The following KIFAP3 variants were observed in gnomAD, a reference collection of about 807,000 sequenced individuals.
The protein encoded by KIFAP3 is kinesin associated protein 3.
In KIFAP3, 68 loss-of-function variants were observed where a neutral mutation model predicts 106.5. The ratio of observed to expected loss-of-function variants is 0.64; its 90% CI spans 0.53 to 0.78. The LOEUF (loss-of-function observed/expected upper bound fraction) is 0.78, where lower values mean the gene tolerates loss of function less well. KIFAP3 is among the 30% of genes least tolerant of loss of function. The pLI is 0.00. For synonymous variants in KIFAP3, 320 were observed against 311.5 expected, an observed-to-expected ratio of 1.03 and a Z score of -0.29; for missense variants, 780 against 941.8, an observed-to-expected ratio of 0.83 and a Z score of 2.25.
chr1:170,070,650 C>T (rs1671662247), intron 1 of KIFAP3, among the ~76,000 whole-genome samples: 1 of 151,898 alleles, frequency 6.6e-6, no homozygotes, highest in African/African-American at 2.4e-5. Context: ...TGCCATATAC[C>T]ATAGACAATA....
At chr1:169,965,382 T>TA (rs74813170) in intron 17 of KIFAP3, among the ~76,000 whole-genome samples, 142,414 of 152,004 alleles carry the variant, frequency 0.94, 66,797 homozygotes, top group East Asian at 0.99. Flanking sequence ...ATTCCTGGTG[T>TA]AAAACAGGGG....
intron 10 of KIFAP3, among the ~76,000 whole-genome samples, chr1:170,005,916 GAAGAA>G (rs1270927105): frequency 9.2e-5 from 14 of 151,594 alleles, no homozygotes; most frequent in African/African-American, 3.2e-4. Context: ...TCAAAACTGT[GAAGAA>G]AACTGTTTTC....
intron 17 of KIFAP3, among the ~76,000 whole-genome samples, chr1:169,966,053 T>C (rs1665597710): frequency 6.6e-6 from 1 of 151,906 alleles, no homozygotes; most frequent in Non-Finnish European, 1.5e-5. Context: ...CTAAAAAGTA[T>C]GGTAGCAATG....
intron 7 of KIFAP3, 131 bp from the exon 8 acceptor site, chr1:170,032,115 C>T: frequency 1.7e-6 from 1 of 591,372 alleles, no homozygotes. Context: ...AAAAGTTTAA[C>T]TAAAATGTTA....
intron 10 of KIFAP3, among the ~76,000 whole-genome samples, chr1:170,008,022 G>A (rs1223929699): frequency 2.0e-5 from 3 of 152,124 alleles, no homozygotes; most frequent in Non-Finnish European, 4.4e-5. Context: ...ATGGGGAAAG[G>A]ATTCCCTATT....
intron 10 of KIFAP3, among the ~76,000 whole-genome samples, chr1:170,001,134 TTATTA>T (rs1352080052): frequency 1.3e-5 from 2 of 152,120 alleles, no homozygotes; most frequent in Non-Finnish European, 2.9e-5. Context: ...TTCAATTATT[TTATTA>T]TGTCTTCTGT....
chr1:170,055,217 C>T (rs1344885898), intron 2 of KIFAP3, 88 bp downstream of exon 2: 1 of 1,164,086 alleles, frequency 8.6e-7, no homozygotes, highest in Admixed American at 2.7e-5. Flanking sequence ...CATAATTAAT[C>T]ACCTATGCTG....
intron 19 of KIFAP3, among the ~76,000 whole-genome samples, chr1:169,945,371 G>A (rs926884992): frequency 2.0e-5 from 3 of 152,048 alleles, no homozygotes; most frequent in Non-Finnish European, 4.4e-5. Context: ...GTGGCTGGGC[G>A]GCTGCAGCTG....
intron 2 of KIFAP3, among the ~76,000 whole-genome samples, chr1:170,048,797 C>A (rs539044437): frequency 6.6e-6 from 1 of 152,096 alleles, no homozygotes; most frequent in African/African-American, 2.4e-5. Context: ...CTACCTGGCC[C>A]GGGTACTATG....
chr1:169,957,371 G>C (rs2806392), intron 18 of KIFAP3, among the ~76,000 whole-genome samples: 139,157 of 152,198 alleles, frequency 0.91, 63,644 homozygotes, highest in East Asian at 0.99. Context: ...CAGTTATAAA[G>C]CACACCTTTC....
intron 3 of KIFAP3, among the ~76,000 whole-genome samples, chr1:170,045,947 C>T (rs1267409069): frequency 6.6e-6 from 1 of 151,960 alleles, no homozygotes; most frequent in African/African-American, 2.4e-5. Flanking sequence ...AAATGTTTTT[C>T]AGACCCTGAG....
chr1:169,923,986 TCC>T (rs769731706), intron 19 of KIFAP3, among the ~76,000 whole-genome samples: 1 of 19,450 alleles, frequency 5.1e-5, no homozygotes, highest in Admixed American at 5.8e-4. Flanking sequence ...TGCAAAATTC[TCC>T]CCCTTTTTTT....
At chr1:169,966,516 T>C (rs1427489974) in intron 17 of KIFAP3, among the ~76,000 whole-genome samples, 1 of 150,454 alleles carries the variant, frequency 6.6e-6, no homozygotes, top group East Asian at 1.9e-4. Context: ...GCCTTAAAAG[T>C]TTTTCCATTT....
chr1:169,998,019 G>A (rs1294336282), intron 10 of KIFAP3, among the ~76,000 whole-genome samples: 1 of 150,412 alleles, frequency 6.6e-6, no homozygotes, highest in Non-Finnish European at 1.5e-5. Flanking sequence ...CTCTCATAGA[G>A]TTATAAATCC....
chr1:169,982,951 T>C (rs917243511), intron 13 of KIFAP3, 84 bp from the exon 14 acceptor site: 14 of 792,122 alleles, frequency 1.8e-5, no homozygotes, highest in Admixed American at 7.7e-5. Flanking sequence ...ATTTAACTCA[T>C]TGAAAGAAAA....
intron 1 of KIFAP3, chr1:170,068,372 A>G (rs936945188): frequency 6.6e-6 from 1 of 152,106 alleles, no homozygotes; most frequent in African/African-American, 2.4e-5. Flanking sequence ...TTAAAAATAT[A>G]TTATCATAAG....
rs511443 is a variant in KIFAP3 at position 169,972,620 on chromosome 1, A to C, written c.1898-22T>G. On this transcript the variant is annotated intron_variant, in intron 16 of 19. Transcript: ENST00000361580. ...GCCTCTGAATAAAAATGGTTAAAGA[A>C]ACAAACTACATTTGATATTGTGGCT... The C allele has an allele frequency of 1.2e-3, 1,540 of 1,238,816 alleles. 7 individuals carry two copies. The highest frequency in any genetic ancestry group is 1.7e-3 in the Non-Finnish European group (1,438 of 860,264). 76.7% of individuals were successfully genotyped at this position (1,238,816 alleles called of 1,614,324 possible).
At chr1:170,081,024 T>C (rs1672011558) in intron 1 of KIFAP3, among the ~76,000 whole-genome samples, 1 of 152,190 alleles carries the variant, frequency 6.6e-6, no homozygotes, top group South Asian at 2.1e-4. Flanking sequence ...GCTTTAATCA[T>C]AAAACAATTT....
At chr1:170,011,798 A>G (rs977383298) in intron 10 of KIFAP3, among the ~76,000 whole-genome samples, 1 of 152,110 alleles carries the variant, frequency 6.6e-6, no homozygotes, top group African/African-American at 2.4e-5. Context: ...TGTTAAATGT[A>G]TCACTGAATT....
Sources: allele counts gnomAD v4.1 joint callset (sites outside exome capture counted in the v4.1 genomes callset), GRCh38; gene constraint gnomAD v4.1.1; transcripts MANE v1.5; gene names NCBI Gene and HGNC (gene_info 2026-07-23, HGNC 2026-07-21).